Variants in AGMO observed in about 807,000 individuals in gnomAD.
AGMO encodes glyceryl-ether monooxygenase.
A neutral mutation model predicts 60.2 loss-of-function variants in AGMO; 75 were observed. The ratio of observed to expected loss-of-function variants is 1.25; its 90% CI spans 1.03 to 1.51. The LOEUF is 1.51. Ranked by LOEUF, AGMO falls within the 40% of genes most tolerant of loss-of-function variation. The pLI is 0.00. For synonymous variants in AGMO, 261 were observed against 177.1 expected, an observed-to-expected ratio of 1.47 and a Z score of -3.76; for missense variants, 763 against 525.5, an observed-to-expected ratio of 1.45 and a Z score of -4.42.
intron 10 of AGMO, among the ~76,000 whole-genome samples, chr7:15,367,430 A>C (rs992209196): frequency 6.6e-6 from 1 of 152,010 alleles, no homozygotes; most frequent in African/African-American, 2.4e-5. Flanking sequence ...ATAACTTGGC[A>C]GAGTAGTTGT....
intron 3 of AGMO, among the ~76,000 whole-genome samples, chr7:15,503,168 T>C (rs1317346455): frequency 1.3e-5 from 2 of 151,952 alleles, no homozygotes; most frequent in Admixed American, 1.3e-4. Flanking sequence ...ACAAGACACT[T>C]GGATAGATGA....
intron 12 of AGMO, among the ~76,000 whole-genome samples, chr7:15,247,153 C>A (rs1294653775): frequency 6.6e-6 from 1 of 150,432 alleles, no homozygotes; most frequent in African/African-American, 2.4e-5. Flanking sequence ...ACTGGTTATC[C>A]TAAAAAAAAA....
the AGMO span, among the ~76,000 whole-genome samples, chr7:15,136,074 A>C: frequency 1.4e-5 from 2 of 141,464 alleles, no homozygotes; most frequent in Non-Finnish European, 3.0e-5. Context: ...GTTTACTGCA[A>C]CCTCTGCCTC....
chr7:15,252,198 A>C (rs1035006713), intron 12 of AGMO, among the ~76,000 whole-genome samples: 7 of 152,214 alleles, frequency 4.6e-5, no homozygotes, highest in Admixed American at 3.9e-4. Flanking sequence ...GAAGTTGGTA[A>C]GTATTATGGA....
At chr7:15,285,581 AC>A (rs1297887753) in intron 12 of AGMO, among the ~76,000 whole-genome samples, 1 of 152,182 alleles carries the variant, frequency 6.6e-6, no homozygotes, top group East Asian at 1.9e-4. Context: ...GATGACACAA[AC>A]AAATGGAAAC....
intron 3 of AGMO, among the ~76,000 whole-genome samples, chr7:15,440,032 A>G (rs1781507066): frequency 6.6e-6 from 1 of 152,202 alleles, no homozygotes; most frequent in Admixed American, 6.5e-5. Flanking sequence ...AGCCTGACTC[A>G]GGCAAGTGAA....
At chr7:15,543,499 G>A (rs950583236) in intron 3 of AGMO, among the ~76,000 whole-genome samples, 5 of 152,088 alleles carry the variant, frequency 3.3e-5, no homozygotes, top group Non-Finnish European at 5.9e-5. Flanking sequence ...TATGGTCAGC[G>A]CCTAGCTGAT....
chr7:15,154,413 G>A, the AGMO span, among the ~76,000 whole-genome samples: 1 of 152,134 alleles, frequency 6.6e-6, no homozygotes, highest in South Asian at 2.1e-4. Flanking sequence ...CACATCCCAT[G>A]CTCATGGATA....
At chr7:15,409,435 G>A (rs1784784437) in intron 5 of AGMO, among the ~76,000 whole-genome samples, 1 of 151,910 alleles carries the variant, frequency 6.6e-6, no homozygotes, top group Non-Finnish European at 1.5e-5. Context: ...TCCCATGAAT[G>A]CTGTGTTGCC....
At chr7:15,256,921 A>G (rs113615219) in intron 12 of AGMO, among the ~76,000 whole-genome samples, 2,256 of 152,312 alleles carry the variant, frequency 0.015, 63 homozygotes, top group African/African-American at 0.051. Context: ...CTACAGAGAT[A>G]CCAGAGAAAA....
intron 3 of AGMO, among the ~76,000 whole-genome samples, chr7:15,505,337 C>T (rs552388034): frequency 9.2e-5 from 14 of 151,976 alleles, no homozygotes; most frequent in African/African-American, 2.9e-4. Flanking sequence ...TAGGATGAGA[C>T]GGAGACCTTG....
intron 12 of AGMO, among the ~76,000 whole-genome samples, chr7:15,264,127 A>C (rs1216554859): frequency 6.6e-6 from 1 of 151,942 alleles, no homozygotes; most frequent in Non-Finnish European, 1.5e-5. Flanking sequence ...AAAGCAAAAA[A>C]TATTTTAGTG....
At chr7:15,225,889 C>A (rs979755289) in intron 12 of AGMO, among the ~76,000 whole-genome samples, 2 of 151,696 alleles carry the variant, frequency 1.3e-5, no homozygotes. Context: ...ACATTTTTTT[C>A]ATAATTCTCT....
rs147093026 is a variant in AGMO, at chr7:15,485,526, G to A, written c.410-54418C>T. Among the ~76,000 whole-genome samples the A allele has an allele frequency of 1.2e-4, 19 of 152,206 alleles. No homozygotes were observed. The East Asian group carries it at 2.3e-3, about 19-fold the overall frequency. On this transcript the variant is annotated intron_variant, in intron 3 of 12. Coordinates refer to ENST00000342526, the MANE Select transcript of AGMO (RefSeq NM_001004320.2). ...CATGTTCAGATGAGGTCTCTGGGGT[G>A]GTTAATGCTTTTTTGGTCAGGGAAC...
chr7:15,177,654 A>G, the AGMO span, among the ~76,000 whole-genome samples: 1 of 152,190 alleles, frequency 6.6e-6, no homozygotes, highest in South Asian at 2.1e-4. Context: ...CATGAATAGC[A>G]TGTCTTAACT....
the AGMO span, among the ~76,000 whole-genome samples, chr7:15,135,252 G>T: frequency 6.6e-6 from 1 of 151,772 alleles, no homozygotes; most frequent in Admixed American, 6.6e-5. Flanking sequence ...ATAGCTAAGA[G>T]AATTTTTAGC....
intron 4 of AGMO, among the ~76,000 whole-genome samples, chr7:15,429,024 C>A (rs1781153287): frequency 6.6e-6 from 1 of 152,038 alleles, no homozygotes; most frequent in African/African-American, 2.4e-5. Flanking sequence ...CTGTTTTCCC[C>A]CCATTAACTG....
chr7:15,243,049 T>G (rs6956260), intron 12 of AGMO, among the ~76,000 whole-genome samples: 49,534 of 151,566 alleles, frequency 0.33, 9,512 homozygotes, highest in East Asian at 0.5. Flanking sequence ...ATGGCTATTC[T>G]ATTATTTTGT....
chr7:15,297,066 T>A (rs996498717), intron 12 of AGMO, among the ~76,000 whole-genome samples: 10 of 151,886 alleles, frequency 6.6e-5, no homozygotes, highest in Non-Finnish European at 1.0e-4. Context: ...TCTCTCTCTC[T>A]CACACACACA....
Sources: allele counts gnomAD v4.1 joint callset (sites outside exome capture counted in the v4.1 genomes callset), GRCh38; gene constraint gnomAD v4.1.1; transcripts MANE v1.5; gene names NCBI Gene and HGNC (gene_info 2026-07-23, HGNC 2026-07-21).